The following SNTB1 variants were observed in gnomAD, a reference collection of about 807,000 sequenced individuals.
SNTB1 encodes beta-1-syntrophin.
A neutral mutation model predicts 48.9 loss-of-function variants in SNTB1; 36 were observed. The ratio of observed to expected loss-of-function variants is 0.74; its 90% confidence interval spans 0.56 to 0.97. The LOEUF is 0.97. SNTB1 is among the 50% of genes least tolerant of loss of function. The pLI, the probability that SNTB1 is intolerant of heterozygous loss-of-function variation, is 0.00. For synonymous variants in SNTB1, 299 were observed against 294.6 expected (o/e 1.01, Z -0.15); for missense variants, 786 against 703.4 (o/e 1.12, Z -1.33).
chr8:120,607,575 T>A (rs889142959), intron 3 of SNTB1, among the ~76,000 whole-genome samples: 2 of 152,202 alleles, frequency 1.3e-5, no homozygotes, highest in African/African-American at 4.8e-5. Context: ...ATTCCAGCAA[T>A]GAAAGACTTG....
At chr8:120,761,201 A>C (rs139213728) in intron 1 of SNTB1, 1 of 152,342 alleles carries the variant, frequency 6.6e-6, no homozygotes, top group African/African-American at 2.4e-5. Flanking sequence ...TGATAGCTGA[A>C]AAGAACTGCA....
chr8:120,579,247 A>T (rs758804664), intron 3 of SNTB1, among the ~76,000 whole-genome samples: 22 of 152,204 alleles, frequency 1.4e-4, no homozygotes, highest in Non-Finnish European at 3.1e-4. Flanking sequence ...GAGACTTTAT[A>T]CGGGGTTGCC....
chr8:120,640,905 G>T (rs1484290341), intron 2 of SNTB1, among the ~76,000 whole-genome samples: 3 of 152,150 alleles, frequency 2.0e-5, no homozygotes, highest in Admixed American at 2.0e-4. Context: ...GAGTTAGGGA[G>T]AATTCCCTCT....
At chr8:120,754,883 G>C (rs1819287394) in intron 1 of SNTB1, among the ~76,000 whole-genome samples, 1 of 152,166 alleles carries the variant, frequency 6.6e-6, no homozygotes, top group Non-Finnish European at 1.5e-5. Flanking sequence ...ATGGACTGTA[G>C]AGTTGTAAAT....
rs188016385 is a variant in SNTB1 at position 120,548,699 on chromosome 8, G to A, written c.1333+63C>T. On this transcript the variant is annotated intron_variant, in intron 5 of 6. Transcript: ENST00000517992. ...GTGATGAAAACTACTTTAAGGCCCC[G>A]GTGGAGTAGAGGGTTCATCTTCCCG... is the stretch of plus-strand genomic sequence containing the variant. 8.4e-5 allele frequency: 123 copies of A among 1,471,910 alleles called. 1 individual carries two copies. The East Asian group carries it at 2.0e-3, about 24-fold the overall frequency. The allele number at this position is 1,471,910 out of a possible 1,614,324, so 91.2% of individuals were successfully genotyped here. A position where few individuals can be genotyped will look rare whatever the true frequency, so the allele number is the denominator to read the frequency against.
intron 5 of SNTB1, among the ~76,000 whole-genome samples, chr8:120,544,652 C>A (rs1815346788): frequency 6.6e-6 from 1 of 152,204 alleles, no homozygotes. Context: ...AGCCAAATCC[C>A]TTTGAGCATC....
At chr8:120,736,573 G>A (rs958756921) in intron 1 of SNTB1, among the ~76,000 whole-genome samples, 2 of 152,222 alleles carry the variant, frequency 1.3e-5, no homozygotes, top group African/African-American at 4.8e-5. Flanking sequence ...TGTATGCTGG[G>A]AGGTCAAGAA....
chr8:120,803,391 C>T (rs1309404299), intron 1 of SNTB1, among the ~76,000 whole-genome samples: 1 of 152,160 alleles, frequency 6.6e-6, no homozygotes, highest in African/African-American at 2.4e-5. Flanking sequence ...GAGCTAAAGG[C>T]AAGCATCATT....
rs149134812 is a variant in SNTB1 at position 120,674,336 on chromosome 8, A to G, written c.788+19356T>C. On this transcript the variant is annotated intron_variant, in intron 2 of 6. Transcript: ENST00000517992. ...TTCAGGGAGTATTTATTCACTGTCT[A>G]CTCTGAGCCAGTCACTGGGTTGGAC... 5.2e-3 allele frequency among the ~76,000 whole-genome samples: 797 copies of G among 152,282 alleles called. 2 individuals carry two copies. The highest frequency in any genetic ancestry group is 0.014 in the Middle Eastern group (4 of 294).
At chr8:120,623,029 C>T (rs1008365031) in intron 3 of SNTB1, among the ~76,000 whole-genome samples, 23 of 152,206 alleles carry the variant, frequency 1.5e-4, no homozygotes, top group Non-Finnish European at 2.1e-4. Flanking sequence ...CTCTGTGCTG[C>T]TATTCCTACT....
intron 1 of SNTB1, among the ~76,000 whole-genome samples, chr8:120,740,909 A>G (rs965795441): frequency 1.1e-4 from 16 of 152,346 alleles, no homozygotes; most frequent in African/African-American, 3.1e-4. Flanking sequence ...AGTGGTTACA[A>G]TGATGACAGC....
chr8:120,618,600 G>A (rs540236885), intron 3 of SNTB1, among the ~76,000 whole-genome samples: 19 of 152,140 alleles, frequency 1.2e-4, no homozygotes, highest in Non-Finnish European at 2.2e-4. Context: ...ATAAGAAAAT[G>A]ACTAGTCATA....
At chr8:120,604,005 G>A (rs1816469218) in intron 3 of SNTB1, among the ~76,000 whole-genome samples, 2 of 150,228 alleles carry the variant, frequency 1.3e-5, no homozygotes, top group Admixed American at 1.3e-4. Context: ...TGCTCTTCCA[G>A]GGTTCCATAC....
chr8:120,684,878 A>G (rs538276644), intron 2 of SNTB1, among the ~76,000 whole-genome samples: 4 of 151,370 alleles, frequency 2.6e-5, no homozygotes, highest in African/African-American at 7.3e-5. Context: ...CTGGTCTTGA[A>G]CTCCTGACCT....
chr8:120,545,086 G>A (rs1474377874), intron 5 of SNTB1, among the ~76,000 whole-genome samples: 2 of 152,176 alleles, frequency 1.3e-5, no homozygotes, highest in Non-Finnish European at 2.9e-5. Flanking sequence ...GCTCATGCCT[G>A]TAATCCCAGC....
rs570710930 is a variant in SNTB1 at position 120,800,722 on chromosome 8, G to A, written c.571+10551C>T. ...TGTTGTATTCGAAAGAAAAAAATTG[G>A]GATAAGTACAAAAAAACTAAGCAAA... On this transcript the variant is annotated intron_variant, in intron 1 of 6. Transcript: ENST00000517992. Among the ~76,000 whole-genome samples, 44 of 151,980 alleles carry A rather than the reference G, an allele frequency of 2.9e-4. 1 individual carries two copies. In the South Asian group the frequency reaches 9.2e-3, roughly 32 times the overall value.
chr8:120,584,103 C>T (rs1816095064), intron 3 of SNTB1, among the ~76,000 whole-genome samples: 1 of 152,110 alleles, frequency 6.6e-6, no homozygotes, highest in Admixed American at 6.6e-5. Context: ...CACTTGAGGT[C>T]AAGACCAGCC....
chr8:120,556,223 T>C (rs151202242), intron 4 of SNTB1, among the ~76,000 whole-genome samples: 174 of 152,236 alleles, frequency 1.1e-3, no homozygotes, highest in African/African-American at 3.7e-3. Context: ...CATTGCTGGA[T>C]TATGGAAGAG....
At chr8:120,728,613 A>G (rs908053756) in intron 1 of SNTB1, among the ~76,000 whole-genome samples, 7 of 152,194 alleles carry the variant, frequency 4.6e-5, no homozygotes, top group Admixed American at 2.0e-4. Context: ...TTCCTGCATT[A>G]ATTCACTTAG....
Sources: gnomAD v4.1 joint callset for allele counts (sites outside exome capture counted in the v4.1 genomes callset) on GRCh38, gnomAD v4.1.1 for gene constraint, MANE v1.5 for transcripts, NCBI Gene and HGNC (gene_info 2026-07-23, HGNC 2026-07-21) for gene names.